Variants in PLD1 observed in about 807,000 individuals in gnomAD.
The protein encoded by PLD1 is phospholipase D1.
PLD1 carries 112 observed loss-of-function variants against 137.1 expected under a neutral mutation model. That is an observed-to-expected ratio of 0.82 (90% CI 0.70 to 0.96). The LOEUF is 0.96. Among genes scored for constraint, PLD1 ranks in the 40% least tolerant of loss-of-function variants. PLD1 has a pLI of 0.00. For missense variants in PLD1, 1,321 were observed against 1,342.0 expected (o/e 0.98, Z 0.24); for synonymous variants, 431 against 454.7 (o/e 0.95, Z 0.66).
rs200201266 is a variant in PLD1 at position 171,737,514 on chromosome 3, G to A, written c.288+18C>T. Reference sequence around the variant, plus strand: ...ATATTGACAAAAGAAAAAAGGGTGAGTCCATAAACGCTCTGACCCTTGTTG... The same window carrying A: ...ATATTGACAAAAGAAAAAAGGGTGAATCCATAAACGCTCTGACCCTTGTTG... On this transcript the variant is annotated intron_variant, in intron 3 of 26. Transcript: ENST00000351298. 1 of 1,593,774 alleles carries A rather than the reference G, an allele frequency of 6.3e-7. No homozygotes were observed. The highest frequency in any genetic ancestry group is 1.4e-5 in the African/African-American group (1 of 73,506).
chr3:171,677,216 A>T (rs183850930), intron 17 of PLD1, among the ~76,000 whole-genome samples: 1 of 152,338 alleles, frequency 6.6e-6, no homozygotes, highest in Non-Finnish European at 1.5e-5. Context: ...ATAACCTGAA[A>T]ATATGCCATT....
At chr3:171,697,755 C>CCCCACA (rs1715886546) in intron 12 of PLD1, among the ~76,000 whole-genome samples, 7 of 152,312 alleles carry the variant, frequency 4.6e-5, no homozygotes, top group African/African-American at 1.7e-4. Flanking sequence ...TTGTGTGGAG[C>CCCCACA]TCCCCAACTG....
At chr3:171,621,493 T>C (rs967046870) in intron 23 of PLD1, among the ~76,000 whole-genome samples, 2 of 152,208 alleles carry the variant, frequency 1.3e-5, no homozygotes, top group African/African-American at 4.8e-5. Context: ...TTTACTGAAG[T>C]TTCCATTTAT....
Position 171,794,328 on chromosome 3 carries a change from T to C in PLD1, c.-32+16071A>G, listed in dbSNP as rs555580702. Among the ~76,000 whole-genome samples, 18 of 152,262 alleles carry C rather than the reference T, an allele frequency of 1.2e-4. No individual in the cohort carries two copies. In the South Asian group the frequency reaches 2.1e-3, roughly 18 times the overall value. ...ACATTTTATCATAGGTATGTATGTA[T>C]AGGGAAAAAAATCATAGCGTGTATA... On this transcript the variant is annotated intron_variant, in intron 1 of 26. Transcript: ENST00000351298.
intron 24 of PLD1, among the ~76,000 whole-genome samples, chr3:171,619,381 T>C (rs1393352228): frequency 1.3e-5 from 2 of 152,180 alleles, no homozygotes; most frequent in African/African-American, 2.4e-5. Context: ...GTACAAGTTA[T>C]TTAGGAGAGT....
intron 19 of PLD1, among the ~76,000 whole-genome samples, chr3:171,671,657 G>A (rs892032957): frequency 1.3e-4 from 20 of 151,862 alleles, no homozygotes; most frequent in African/African-American, 4.4e-4. Context: ...CATAAAACAA[G>A]AGATTCTCTG....
intron 23 of PLD1, among the ~76,000 whole-genome samples, chr3:171,636,410 C>A (rs1336172777): frequency 1.3e-5 from 2 of 152,036 alleles, no homozygotes; most frequent in Non-Finnish European, 2.9e-5. Flanking sequence ...TCCATTAACA[C>A]AGAGTATTTA....
At chr3:171,767,299 G>A (rs558101591) in intron 1 of PLD1, among the ~76,000 whole-genome samples, 1 of 152,288 alleles carries the variant, frequency 6.6e-6, no homozygotes, top group Admixed American at 6.5e-5. Context: ...TCTATATCCT[G>A]CCATTGGTCA....
intron 6 of PLD1, among the ~76,000 whole-genome samples, chr3:171,731,536 C>T (rs946873221): frequency 3.3e-5 from 5 of 152,102 alleles, no homozygotes; most frequent in African/African-American, 1.2e-4. Context: ...AATCTCAGCA[C>T]TTTGGGAGGC....
chr3:171,706,262 ATTCT>A (rs748483254), intron 11 of PLD1, among the ~76,000 whole-genome samples: 7 of 144,428 alleles, frequency 4.8e-5, no homozygotes, highest in Non-Finnish European at 9.2e-5. Context: ...ATCCTATGCC[ATTCT>A]TTTTTTTTTT....
intron 9 of PLD1, among the ~76,000 whole-genome samples, chr3:171,710,830 A>G (rs1717134928): frequency 6.8e-6 from 1 of 146,882 alleles, no homozygotes; most frequent in Non-Finnish European, 1.5e-5. Context: ...TGGCATGACT[A>G]TATTGTGAGT....
At chr3:171,630,698 G>C (rs1436796198) in intron 23 of PLD1, among the ~76,000 whole-genome samples, 13 of 144,476 alleles carry the variant, frequency 9.0e-5, no homozygotes, top group Admixed American at 8.9e-4. Context: ...AAAATGATGA[G>C]TTCATGTCCT....
rs890768617 is a variant in PLD1 at position 171,601,307 on chromosome 3, G to C, written c.*1771C>G. 6.6e-6 allele frequency: 1 copy of C among 152,188 alleles called. No individual in the cohort carries two copies. The highest frequency in any genetic ancestry group is 1.9e-4 in the East Asian group (1 of 5,184). The allele number at this position is 152,188 out of a possible 1,614,324, so 9.4% of individuals were successfully genotyped here. On this transcript the variant is annotated 3_prime_UTR_variant, in exon 27 of 27. Transcript: ENST00000351298. The stretch of plus-strand genomic sequence containing the variant: ...GGTGCTGAAAATCAAGAGCCAGTTT[G>C]TTGACTCCTCTAAGGTTTAAAAAAT...
intron 26 of PLD1, among the ~76,000 whole-genome samples, chr3:171,604,340 A>G (rs2108248989): frequency 6.6e-6 from 1 of 151,844 alleles, no homozygotes; most frequent in South Asian, 2.1e-4. Flanking sequence ...AAAAGGAAAG[A>G]AAGAAAAGAA....
At chr3:171,627,450 C>T (rs1311299442) in intron 23 of PLD1, among the ~76,000 whole-genome samples, 2 of 152,126 alleles carry the variant, frequency 1.3e-5, no homozygotes, top group Non-Finnish European at 2.9e-5. Context: ...GACAGATCAA[C>T]GAGATAGAAA....
At chr3:171,604,466 ACGTC>A (rs1732052967) in intron 26 of PLD1, among the ~76,000 whole-genome samples, 1 of 151,926 alleles carries the variant, frequency 6.6e-6, no homozygotes, top group East Asian at 1.9e-4. Flanking sequence ...AAAGAGGTTC[ACGTC>A]TGTCCCTGGA....
At chr3:171,605,276 G>A (rs1454289854) in intron 26 of PLD1, 23 bp downstream of exon 26, 2 of 1,222,970 alleles carry the variant, frequency 1.6e-6, no homozygotes, top group African/African-American at 1.5e-5. Context: ...AAGAAACGGA[G>A]GAGGGGAATA....
intron 6 of PLD1, among the ~76,000 whole-genome samples, chr3:171,730,741 C>T (rs908973414): frequency 1.3e-5 from 2 of 151,596 alleles, no homozygotes; most frequent in African/African-American, 4.9e-5. Context: ...CGGGTTCAAG[C>T]GATTCTTCTG....
intron 8 of PLD1, among the ~76,000 whole-genome samples, chr3:171,716,876 G>A (rs867770912): frequency 3.9e-5 from 6 of 151,918 alleles, no homozygotes; most frequent in Non-Finnish European, 5.9e-5. Context: ...ATAGTTTTAG[G>A]TTTTACATTT....
Sources: allele counts gnomAD v4.1 joint callset (sites outside exome capture counted in the v4.1 genomes callset), GRCh38; gene constraint gnomAD v4.1.1; transcripts MANE v1.5; gene names NCBI Gene and HGNC (gene_info 2026-07-23, HGNC 2026-07-21).